Variants in C2orf76 observed in about 807,000 individuals in gnomAD.
C2orf76 encodes the protein chromosome 2 open reading frame 76.
In C2orf76, 23 loss-of-function variants were observed where a neutral mutation model predicts 16.9. The ratio of observed to expected loss-of-function variants is 1.36; its 90% CI spans 0.98 to 1.93. The LOEUF (loss-of-function observed/expected upper bound fraction) is 1.93. C2orf76 is among the 30% of genes most tolerant of loss of function. The pLI, the probability that C2orf76 is intolerant of heterozygous loss-of-function variation, is 0.00. For synonymous variants in C2orf76, 48 were observed against 52.3 expected, an observed-to-expected ratio of 0.92 and a Z score of 0.35; for missense variants, 152 against 152.6, an observed-to-expected ratio of 1.00 and a Z score of 0.02.
intron 2 of C2orf76, among the ~76,000 whole-genome samples, chr2:119,335,597 A>T (rs1404351086): frequency 6.6e-6 from 1 of 152,236 alleles, no homozygotes; most frequent in African/African-American, 2.4e-5. Context: ...ATTCTAAAGG[A>T]AGGGAAGCAT....
chr2:119,325,514 G>A (rs913703132), intron 2 of C2orf76, among the ~76,000 whole-genome samples: 36 of 150,532 alleles, frequency 2.4e-4, no homozygotes, highest in African/African-American at 8.3e-4. Flanking sequence ...AGCTACTCAG[G>A]AGGCTGAAGC....
At chr2:119,299,078 G>C (rs577982313), downstream of C2orf76, among the ~76,000 whole-genome samples, 15 of 151,348 alleles carry the variant, frequency 9.9e-5, no homozygotes, top group South Asian at 3.2e-3. Flanking sequence ...ACCACACCCA[G>C]CTAATTTTTT....
intron 1 of C2orf76, among the ~76,000 whole-genome samples, chr2:119,340,873 TA>T (rs1169758832): frequency 2.0e-5 from 3 of 150,706 alleles, no homozygotes; most frequent in African/African-American, 2.4e-5. Flanking sequence ...TTTTCATGCT[TA>T]AAAAATATTT....
chr2:119,323,204 A>G (rs1363676840), intron 2 of C2orf76, among the ~76,000 whole-genome samples: 1 of 138,624 alleles, frequency 7.2e-6, no homozygotes, highest in African/African-American at 2.8e-5. Context: ...TTTTTTTTTT[A>G]ATAGACAGGT....
intron 1 of C2orf76, among the ~76,000 whole-genome samples, chr2:119,353,293 A>G (rs999033800): frequency 5.3e-5 from 8 of 152,234 alleles, no homozygotes; most frequent in Admixed American, 2.6e-4. Context: ...CCATTTACAG[A>G]AAATTTAACC....
upstream of C2orf76, chr2:119,367,092 T>C: frequency 6.2e-7 from 1 of 1,613,154 alleles, no homozygotes; most frequent in Non-Finnish European, 8.5e-7. Flanking sequence ...GCTGCGAAGG[T>C]GCAGCGGGCG....
In C2orf76 at chr2:119,311,692, A is replaced by G. The variant is rs535735476; in HGVS notation, c.234T>C (p.Leu78=). ...HQAHKSKTNE[L]VLSLEDDERL... ...TTTCGTCATCTTCCAAACTCAACAC[A>G]AGTTCATTTGTCTAAAAAAAAAAAA... is the stretch of plus-strand genomic sequence containing the variant. The change falls in exon 5 of 6, where the codon CTT becomes CTC. Residue 78 remains leucine (L), a synonymous_variant. Coordinates refer to ENST00000334816, the MANE Select transcript of C2orf76 (RefSeq NM_001322331.2). 1.2e-6 allele frequency: 2 copies of G among 1,607,654 alleles called. No individual in the cohort carries two copies. Among genetic ancestry groups the G allele is most frequent in the African/African-American group, 2.8e-5 (2 of 72,076 alleles).
intron 5 of C2orf76, among the ~76,000 whole-genome samples, chr2:119,309,045 G>T (rs1678889898): frequency 6.6e-6 from 1 of 152,172 alleles, no homozygotes. Flanking sequence ...TTGGACCCAA[G>T]CACTCTGGCT....
At chr2:119,343,596 T>C (rs1338370910) in intron 1 of C2orf76, among the ~76,000 whole-genome samples, 1 of 152,146 alleles carries the variant, frequency 6.6e-6, no homozygotes, top group Non-Finnish European at 1.5e-5. Context: ...CTCTGCTTCT[T>C]AGCTGCAACT....
chr2:119,306,728 T>C (rs1394765131), intron 5 of C2orf76, among the ~76,000 whole-genome samples: 2 of 152,166 alleles, frequency 1.3e-5, no homozygotes, highest in Non-Finnish European at 2.9e-5. Flanking sequence ...AAAAGTCTCT[T>C]CTTGCTTCTA....
chr2:119,307,946 T>A (rs1201358610), intron 5 of C2orf76, among the ~76,000 whole-genome samples: 1 of 152,224 alleles, frequency 6.6e-6, no homozygotes, highest in Non-Finnish European at 1.5e-5. Flanking sequence ...TTTACACACA[T>A]CACTCCGGAT....
chr2:119,344,614 T>G (rs1053362867), intron 1 of C2orf76, among the ~76,000 whole-genome samples: 2 of 152,146 alleles, frequency 1.3e-5, no homozygotes, highest in Non-Finnish European at 2.9e-5. Context: ...AAAATCCATC[T>G]AGAAGAATCT....
the C2orf76 span, among the ~76,000 whole-genome samples, chr2:119,285,526 T>C: frequency 1.3e-5 from 2 of 152,224 alleles, no homozygotes; most frequent in African/African-American, 4.8e-5. Context: ...CCCCATTTTC[T>C]CTGTCGTATC....
At chr2:119,305,041 G>A (rs907892782) in intron 5 of C2orf76, among the ~76,000 whole-genome samples, 2 of 152,186 alleles carry the variant, frequency 1.3e-5, no homozygotes, top group Non-Finnish European at 2.9e-5. Flanking sequence ...TAAATGTGCT[G>A]CAGGCGGCAG....
chr2:119,307,371 G>A (rs925506219), intron 5 of C2orf76, among the ~76,000 whole-genome samples: 38 of 151,922 alleles, frequency 2.5e-4, no homozygotes, highest in African/African-American at 8.5e-4. Flanking sequence ...CCTGGGAGGC[G>A]GAGGTTGCAG....
chr2:119,285,437 AAT>A, the C2orf76 span, among the ~76,000 whole-genome samples: 1 of 152,144 alleles, frequency 6.6e-6, no homozygotes, highest in Non-Finnish European at 1.5e-5. Context: ...AAGGCCCCGG[AAT>A]TGGCCCCAGT....
intron 5 of C2orf76, among the ~76,000 whole-genome samples, chr2:119,306,016 T>C (rs1678771005): frequency 6.6e-6 from 1 of 150,478 alleles, no homozygotes; most frequent in Admixed American, 6.6e-5. Flanking sequence ...CACCATGGTG[T>C]GGGAAGGTAA....
chr2:119,311,849 C>CAG, intron 4 of C2orf76, 146 bp from the exon 5 acceptor site: 1 of 734,242 alleles, frequency 1.4e-6, no homozygotes, highest in South Asian at 1.9e-5. Context: ...GGGCAGTGAA[C>CAG]AGAGGCACAG....
At chr2:119,360,193 A>G (rs945877661) in intron 1 of C2orf76, among the ~76,000 whole-genome samples, 2 of 152,136 alleles carry the variant, frequency 1.3e-5, no homozygotes, top group Non-Finnish European at 2.9e-5. Context: ...AGATATGTAC[A>G]TTTGAGGCCA....
Sources: gnomAD v4.1 joint callset for allele counts (sites outside exome capture counted in the v4.1 genomes callset) on GRCh38, gnomAD v4.1.1 for gene constraint, MANE v1.5 for transcripts, NCBI Gene and HGNC (gene_info 2026-07-23, HGNC 2026-07-21) for gene names.